Variants in NPEPPS observed in about 807,000 individuals in gnomAD.
The protein encoded by NPEPPS is aminopeptidase puromycin sensitive.
A neutral mutation model predicts 115.5 loss-of-function variants in NPEPPS; 14 were observed. The observed-to-expected ratio is 0.12, with a 90% CI of 0.08 to 0.19. NPEPPS has a LOEUF of 0.19. Ranked by LOEUF, NPEPPS falls within the 10% of genes least tolerant of loss-of-function variation. NPEPPS has a pLI of 1.00. For synonymous variants in NPEPPS, 285 were observed against 390.6 expected (o/e 0.73, Z 3.19); for missense variants, 523 against 1,110.8 (o/e 0.47, Z 7.52).
At chr17:47,559,621 T>C (rs1456816224) in intron 2 of NPEPPS, 2 of 455,616 alleles carry the variant, frequency 4.4e-6, no homozygotes, top group South Asian at 1.6e-5. Context: ...ATGTCTGGGC[T>C]TCAGATGTTC....
chr17:47,610,586 G>C (rs943482467), intron 17 of NPEPPS, among the ~76,000 whole-genome samples: 2 of 151,970 alleles, frequency 1.3e-5, no homozygotes, highest in Non-Finnish European at 2.9e-5. Flanking sequence ...GTTTCACCAT[G>C]TTGGCCAGGA....
At chr17:47,530,351 G>GTTTTTT (rs58886094), upstream of NPEPPS, among the ~76,000 whole-genome samples, 4 of 97,818 alleles carry the variant, frequency 4.1e-5, no homozygotes, top group African/African-American at 4.0e-5. Context: ...ATTATTAAAG[G>GTTTTTT]TTTTTTTTTT....
At chr17:47,538,970 C>G (rs1908549428) in intron 1 of NPEPPS, among the ~76,000 whole-genome samples, 1 of 152,080 alleles carries the variant, frequency 6.6e-6, no homozygotes, top group African/African-American at 2.4e-5. Flanking sequence ...CCTTAGTAGC[C>G]AGATAAACAA....
At chr17:47,583,010 C>CTTTTTTTTTTTT (rs745447996) in intron 5 of NPEPPS, among the ~76,000 whole-genome samples, 161 bp downstream of exon 5, 1 of 135,142 alleles carries the variant, frequency 7.4e-6, no homozygotes, top group African/African-American at 2.7e-5. Context: ...CTTTTTCTTT[C>CTTTTTTTTTTTT]TTTTTTTTTT....
intron 5 of NPEPPS, 77 bp downstream of exon 5, chr17:47,582,926 T>C (rs1305204479): frequency 1.7e-6 from 1 of 593,886 alleles, no homozygotes; most frequent in East Asian, 2.8e-5. Flanking sequence ...GATGGGATAA[T>C]ATGAAACCAC....
chr17:47,607,066 G>A (rs1027502822), intron 17 of NPEPPS, among the ~76,000 whole-genome samples: 2 of 152,004 alleles, frequency 1.3e-5, no homozygotes, highest in South Asian at 2.1e-4. Context: ...GGTGGCGGGT[G>A]CCTCTCATCT....
chr17:47,596,176 G>C (rs1164730559), intron 12 of NPEPPS, 177 bp from the exon 13 acceptor site: 1 of 486,000 alleles, frequency 2.1e-6, no homozygotes, highest in African/African-American at 2.0e-5. Flanking sequence ...TTTTATGATA[G>C]AATTTACTTA....
At chr17:47,583,546 C>T (rs1234538281) in intron 5 of NPEPPS, among the ~76,000 whole-genome samples, 2 of 151,766 alleles carry the variant, frequency 1.3e-5, no homozygotes, top group East Asian at 3.9e-4. Context: ...GATCACACCA[C>T]TGCACTCCAG....
In NPEPPS at chr17:47,552,479, C is replaced by T. The variant is rs545684693; in HGVS notation, c.340+6486C>T. On this transcript the variant is annotated intron_variant, in intron 2 of 22. Transcript: ENST00000322157. ...GAACATGAAGTTTGCAGTGTATTTG[C>T]ATTCTTTCACTTTTACATTTGTTGG... 5.3e-5 allele frequency among the ~76,000 whole-genome samples: 8 copies of T among 152,274 alleles called. No individual in the cohort carries two copies. In the South Asian group the frequency reaches 1.5e-3, roughly 28 times the overall value.
At chr17:47,579,878 C>A in intron 4 of NPEPPS, 1 of 182,012 alleles carries the variant, frequency 5.5e-6, no homozygotes, top group South Asian at 9.8e-5. Flanking sequence ...TCTTTGACAT[C>A]TTTTGTTTAT....
At chr17:47,577,797 T>A (rs1911611188) in intron 3 of NPEPPS, among the ~76,000 whole-genome samples, 1 of 152,114 alleles carries the variant, frequency 6.6e-6, no homozygotes, top group African/African-American at 2.4e-5. Flanking sequence ...CTAGAGACAG[T>A]TTGTAGTTTG....
At chr17:47,549,966 GCT>G (rs1909520711) in intron 2 of NPEPPS, among the ~76,000 whole-genome samples, 1 of 144,872 alleles carries the variant, frequency 6.9e-6, no homozygotes, top group Non-Finnish European at 1.5e-5. Context: ...ATGGAGTCTC[GCT>G]CTGTCACCCA....
At position 47,531,381 on chromosome 17, in the gene NPEPPS, C is replaced by T. The variant is rs1219060129; in HGVS notation, c.81C>T (p.Leu27=). Residue 27 remains leucine, a synonymous_variant, in exon 1 of 23, where the codon CTC becomes CTT. Transcript: ENST00000322157. ...LGPPPPPLLL[L]VFSRSSRRRL... is the part of the protein sequence containing the mutation. ...CTCCGCCTCCTCCCCTCCTCCTTCTCGTCTTCAGCCGCTCCTCTCGCCGCC... is the reference window on the plus strand; with the variant it reads ...CTCCGCCTCCTCCCCTCCTCCTTCTTGTCTTCAGCCGCTCCTCTCGCCGCC... 3.2e-6 allele frequency: 5 copies of T among 1,541,644 alleles called. No individual in the cohort carries two copies. The South Asian group carries it at 3.6e-5, about 11-fold the overall frequency.
chr17:47,545,024 A>T (rs1261371949), intron 1 of NPEPPS, among the ~76,000 whole-genome samples: 1 of 150,666 alleles, frequency 6.6e-6, no homozygotes, highest in Non-Finnish European at 1.5e-5. Flanking sequence ...TTTTTGAGAC[A>T]GAGTCTCACT....
chr17:47,595,710 C>T (rs1912819999), intron 12 of NPEPPS, among the ~76,000 whole-genome samples: 1 of 151,376 alleles, frequency 6.6e-6, no homozygotes, highest in Admixed American at 6.6e-5. Context: ...GGGCCAGGTG[C>T]GGTGGCTCAT....
Position 47,531,261 on chromosome 17 carries a change from C to T in NPEPPS, c.-40C>T, listed in dbSNP as rs1411839986. ...GGTCTCTCCCCCGCCCCCCAGGCTC[C>T]CCCGGTCGCTCTCCTCCGGCGGTCG... On this transcript the variant is annotated 5_prime_UTR_variant, in exon 1 of 23. Transcript: ENST00000322157. 1.3e-6 allele frequency: 2 copies of T among 1,488,218 alleles called. No homozygotes were observed. Among genetic ancestry groups the T allele is most frequent in the South Asian group, 2.6e-5 (2 of 76,392 alleles). The allele number at this position is 1,488,218 out of a possible 1,614,324, so 92.2% of individuals were successfully genotyped here.
chr17:47,536,866 C>G (rs1908338021), intron 1 of NPEPPS, among the ~76,000 whole-genome samples: 1 of 151,936 alleles, frequency 6.6e-6, no homozygotes, highest in Admixed American at 6.6e-5. Flanking sequence ...CGCGCACCAC[C>G]AAGCCCAGCT....
intron 19 of NPEPPS, among the ~76,000 whole-genome samples, chr17:47,614,876 GACTT>G (rs1453697315): frequency 1.3e-5 from 2 of 152,146 alleles, no homozygotes; most frequent in African/African-American, 4.8e-5. Context: ...ACACTCTTCT[GACTT>G]ACAGGGAGTT....
At chr17:47,545,851 T>C in intron 1 of NPEPPS, 58 bp from the exon 2 acceptor site, 6 of 1,471,814 alleles carry the variant, frequency 4.1e-6, no homozygotes, top group Non-Finnish European at 5.5e-6. Flanking sequence ...CTGGCCAAGT[T>C]GTATATACTA....
Sources: gnomAD v4.1 joint callset for allele counts (sites outside exome capture counted in the v4.1 genomes callset) on GRCh38, gnomAD v4.1.1 for gene constraint, MANE v1.5 for transcripts, NCBI Gene and HGNC (gene_info 2026-07-23, HGNC 2026-07-21) for gene names.